The following SLIT3 variants were observed in gnomAD, a reference collection of about 807,000 sequenced individuals.
SLIT3 encodes the protein slit guidance ligand 3, also known as slit homolog 3 protein.
A neutral mutation model predicts 184.0 loss-of-function variants in SLIT3; 68 were observed. That is an observed-to-expected ratio of 0.37 (90% CI 0.30 to 0.45). SLIT3 has a LOEUF of 0.45. SLIT3 is among the 20% of genes least tolerant of loss of function. SLIT3 has a pLI of 1.00. For missense variants in SLIT3, 1,707 were observed against 2,026.0 expected, an observed-to-expected ratio of 0.84 and a Z score of 3.02; for synonymous variants, 831 against 828.6, an observed-to-expected ratio of 1.00 and a Z score of -0.05.
At chr5:169,034,907 C>A (rs1757172426) in intron 4 of SLIT3, among the ~76,000 whole-genome samples, 1 of 140,602 alleles carries the variant, frequency 7.1e-6, no homozygotes, top group South Asian at 2.2e-4. Flanking sequence ...CCACCACGCC[C>A]AGCTAGTGTG....
chr5:169,080,181 A>G (rs888618355), intron 4 of SLIT3, among the ~76,000 whole-genome samples: 1 of 152,152 alleles, frequency 6.6e-6, no homozygotes, highest in African/African-American at 2.4e-5. Context: ...GACCCACTCA[A>G]CAGGCTTCTT....
chr5:168,694,789 T>C (rs1479602963), intron 28 of SLIT3, among the ~76,000 whole-genome samples: 5 of 152,182 alleles, frequency 3.3e-5, no homozygotes, highest in Non-Finnish European at 7.3e-5. Context: ...CAGCTAATTT[T>C]TGTATTTTTA....
At chr5:169,063,629 G>A (rs1257775602) in intron 4 of SLIT3, among the ~76,000 whole-genome samples, 1 of 152,202 alleles carries the variant, frequency 6.6e-6, no homozygotes, top group African/African-American at 2.4e-5. Flanking sequence ...GAAACAGGGA[G>A]ATCCTAGTGA....
chr5:168,918,659 A>G (rs1383137423), intron 4 of SLIT3, among the ~76,000 whole-genome samples: 2 of 152,202 alleles, frequency 1.3e-5, no homozygotes, highest in Admixed American at 6.5e-5. Flanking sequence ...CTAAGCATCA[A>G]TGAGACAGTG....
chr5:168,937,737 T>G (rs923739106), intron 4 of SLIT3, among the ~76,000 whole-genome samples: 5 of 152,186 alleles, frequency 3.3e-5, no homozygotes, highest in Non-Finnish European at 7.3e-5. Context: ...TAGCTCTTCA[T>G]GCACCTCAGT....
At chr5:169,259,391 G>A (rs1234646906) in intron 1 of SLIT3, among the ~76,000 whole-genome samples, 3 of 152,214 alleles carry the variant, frequency 2.0e-5, no homozygotes, top group Non-Finnish European at 4.4e-5. Context: ...ATTCAGAGTG[G>A]TTAATTTTTC....
chr5:168,996,083 G>A (rs1755499782), intron 4 of SLIT3, among the ~76,000 whole-genome samples: 1 of 152,194 alleles, frequency 6.6e-6, no homozygotes, highest in South Asian at 2.1e-4. Flanking sequence ...CCAGGCACAG[G>A]GCAGGAGCTC....
chr5:168,739,196 A>C (rs1163964725), intron 20 of SLIT3, among the ~76,000 whole-genome samples: 1 of 152,136 alleles, frequency 6.6e-6, no homozygotes, highest in African/African-American at 2.4e-5. Context: ...ATTGACCAAC[A>C]CATGATATTA....
intron 1 of SLIT3, among the ~76,000 whole-genome samples, chr5:169,257,161 C>T (rs147970998): frequency 3.3e-5 from 5 of 152,270 alleles, no homozygotes; most frequent in African/African-American, 4.8e-5. Flanking sequence ...ATTCTCATCA[C>T]GATTACAGGA....
chr5:169,088,807 G>T (rs181954543), intron 4 of SLIT3, among the ~76,000 whole-genome samples: 11 of 151,766 alleles, frequency 7.2e-5, no homozygotes, highest in Non-Finnish European at 1.5e-4. Flanking sequence ...ATCACCTGAG[G>T]CCAGGAGTTC....
chr5:169,161,017 A>G (rs1490932559), intron 4 of SLIT3, among the ~76,000 whole-genome samples: 3 of 152,162 alleles, frequency 2.0e-5, no homozygotes, highest in African/African-American at 7.2e-5. Flanking sequence ...TCTTTCCTCT[A>G]TGTTGTTCCT....
chr5:168,760,980 G>T, intron 15 of SLIT3, 44 bp from the exon 16 acceptor site: 1 of 1,450,670 alleles, frequency 6.9e-7, no homozygotes, highest in Non-Finnish European at 9.7e-7. Flanking sequence ...TGTGGACGAG[G>T]CCCCTCCTTC....
At chr5:169,296,773 C>T (rs1052265003) in intron 1 of SLIT3, among the ~76,000 whole-genome samples, 3 of 152,204 alleles carry the variant, frequency 2.0e-5, no homozygotes, top group Non-Finnish European at 4.4e-5. Context: ...GCCTTTCGCC[C>T]GTTCTCCTTC....
intron 4 of SLIT3, among the ~76,000 whole-genome samples, chr5:169,172,862 G>A (rs975476752): frequency 1.3e-5 from 2 of 152,214 alleles, no homozygotes; most frequent in Admixed American, 6.5e-5. Context: ...CGGAGTTGGA[G>A]TATGGCTGAT....
chr5:168,886,655 C>T (rs989226848), intron 4 of SLIT3, among the ~76,000 whole-genome samples: 4 of 151,948 alleles, frequency 2.6e-5, no homozygotes, highest in Non-Finnish European at 4.4e-5. Flanking sequence ...AGAAGAAAGG[C>T]ATGAGATTGG....
intron 4 of SLIT3, among the ~76,000 whole-genome samples, chr5:168,966,996 G>C (rs1763219108): frequency 6.6e-6 from 1 of 152,130 alleles, no homozygotes; most frequent in Non-Finnish European, 1.5e-5. Context: ...AAAAATATAT[G>C]TACAAGGATG....
chr5:168,876,885 G>A (rs997844587), intron 5 of SLIT3, among the ~76,000 whole-genome samples: 4 of 151,934 alleles, frequency 2.6e-5, no homozygotes, highest in Non-Finnish European at 5.9e-5. Context: ...AATACAATAT[G>A]GTATATTATT....
intron 5 of SLIT3, among the ~76,000 whole-genome samples, chr5:168,865,203 G>A (rs1271072165): frequency 1.3e-5 from 2 of 149,562 alleles, no homozygotes; most frequent in African/African-American, 2.5e-5. Flanking sequence ...AAAGAACATG[G>A]ATAAGGAAAA....
At position 169,237,018 on chromosome 5, in the gene SLIT3, C is replaced by T. The variant is rs1003760922; in HGVS notation, c.341+7687G>A. ...CCATCTATTGTTCAATTCCAGTATA[C>T]GTGTACAGTGTCTCAGAACTGTTAA... On this transcript the variant is annotated intron_variant, in intron 3 of 35. Transcript: ENST00000519560. Among the ~76,000 whole-genome samples the T allele has an allele frequency of 2.6e-5, 4 of 152,262 alleles. No individual in the cohort carries two copies. In the East Asian group the frequency reaches 5.8e-4, roughly 22 times the overall value.
Sources: allele counts gnomAD v4.1 joint callset (sites outside exome capture counted in the v4.1 genomes callset), GRCh38; gene constraint gnomAD v4.1.1; transcripts MANE v1.5; gene names NCBI Gene and HGNC (gene_info 2026-07-23, HGNC 2026-07-21).